Variants in ZNF839 observed in about 807,000 individuals in gnomAD.
ZNF839 encodes the protein zinc finger protein 839, also known as renal carcinoma antigen NY-REN-50.
A neutral mutation model predicts 56.4 loss-of-function variants in ZNF839; 38 were observed. The observed-to-expected ratio is 0.67, with a 90% CI of 0.52 to 0.88. ZNF839 has a LOEUF of 0.88. Ranked by LOEUF, ZNF839 falls within the 40% of genes least tolerant of loss-of-function variation. The probability of loss-of-function intolerance (pLI) is 0.00; values close to 1 mark genes in which losing one functional copy is unlikely to be tolerated. For missense variants in ZNF839, 1,091 were observed against 1,177.6 expected, an observed-to-expected ratio of 0.93 and a Z score of 1.08; for synonymous variants, 486 against 493.5, an observed-to-expected ratio of 0.98 and a Z score of 0.20.
At chr14:102,324,103 C>G (rs2073276407) in intron 1 of ZNF839, among the ~76,000 whole-genome samples, 1 of 152,182 alleles carries the variant, frequency 6.6e-6, no homozygotes, top group Non-Finnish European at 1.5e-5. Flanking sequence ...AAGAAACAGG[C>G]ATGCAGGTTG....
chr14:102,328,354 CAAAA>C (rs1158691824), intron 2 of ZNF839, among the ~76,000 whole-genome samples: 76 of 28,820 alleles, frequency 2.6e-3, no homozygotes, highest in East Asian at 8.7e-3. Context: ...AACTCCATCT[CAAAA>C]AAAAAAAAAA....
rs1365946095 is a variant in ZNF839, at chr14:102,339,171, T to C, written c.1875T>C (p.Ala625=). Residue 625 remains alanine, a synonymous_variant, in exon 7 of 8, where the codon GCT becomes GCC. Transcript: ENST00000442396. ...CCAACGATACCACTGAATCTCTTGC[T>C]GCCAACAGCAGAGGCCGGGAGAAGC... ...ALSNDTTESL[A]ANSRGREKPR... 1.2e-6 allele frequency: 2 copies of C among 1,613,066 alleles called. No individual in the cohort carries two copies. The highest frequency in any genetic ancestry group is 1.7e-6 in the Non-Finnish European group (2 of 1,179,454).
At chr14:102,323,690 G>T (rs915450581) in intron 1 of ZNF839, among the ~76,000 whole-genome samples, 1 of 152,092 alleles carries the variant, frequency 6.6e-6, no homozygotes, top group Non-Finnish European at 1.5e-5. Context: ...TTGAAATTTT[G>T]TTAGATATAT....
Position 102,342,160 on chromosome 14 carries a change from C to A in ZNF839, c.2765C>A (p.Ala922Asp), listed in dbSNP as rs773507931. 2 of 1,608,264 alleles carry A rather than the reference C, an allele frequency of 1.2e-6. No homozygotes were observed. Among genetic ancestry groups the A allele is most frequent in the South Asian group, 2.2e-5 (2 of 90,896 alleles). The change falls in exon 8 of 8, where the codon GCC (alanine) becomes GAC (aspartate). Residue 922 changes from alanine to aspartate, a missense_variant. By Grantham distance (126) the Ala-to-Asp change is moderately radical (BLOSUM62 -2). This residue lies in a region of ZNF839 where 431 missense variants were observed against 468.0 expected (regional missense o/e 0.92). Transcript: ENST00000442396. ...IVTVTDAEGR[A>D]CGWAR ...ACAGTGACTGATGCAGAGGGGCGTGCCTGCGGATGGGCCCGCTAGAAGGAG... is the reference window on the plus strand; with the variant it reads ...ACAGTGACTGATGCAGAGGGGCGTGACTGCGGATGGGCCCGCTAGAAGGAG...
chr14:102,335,027 G>A (rs1444108912), intron 4 of ZNF839: 5 of 155,832 alleles, frequency 3.2e-5, no homozygotes, highest in African/African-American at 1.2e-4. Context: ...CAAAGTGATG[G>A]GATTATAGGT....
intron 1 of ZNF839, among the ~76,000 whole-genome samples, chr14:102,324,803 G>T (rs2073320657): frequency 6.6e-6 from 1 of 151,908 alleles, no homozygotes; most frequent in South Asian, 2.1e-4. Flanking sequence ...ACAAAAATTA[G>T]CCGGGGCGTG....
intron 2 of ZNF839, among the ~76,000 whole-genome samples, chr14:102,329,248 G>T (rs780328728): frequency 6.6e-6 from 1 of 151,990 alleles, no homozygotes; most frequent in Admixed American, 6.6e-5. Flanking sequence ...GATTACAGGC[G>T]TGAGCCACCA....
At chr14:102,328,884 C>G (rs1416737337) in intron 2 of ZNF839, among the ~76,000 whole-genome samples, 2 of 152,056 alleles carry the variant, frequency 1.3e-5, no homozygotes, top group Non-Finnish European at 2.9e-5. Context: ...TGTCAGTGGA[C>G]ACTTGGGTTG....
rs1886148783 is a variant in ZNF839 at position 102,338,796 on chromosome 14, C to T, written c.1660-20C>T. ...GTGCTGTTTGGGTGAAGTTTATTCTCTTGGCCCATTTCTTTTCAGGTTGCT... is the reference window on the plus strand; with the variant it reads ...GTGCTGTTTGGGTGAAGTTTATTCTTTTGGCCCATTTCTTTTCAGGTTGCT... On this transcript the variant is annotated intron_variant, in intron 5 of 7. Transcript: ENST00000442396. 1.2e-6 allele frequency: 2 copies of T among 1,613,624 alleles called. No homozygotes were observed. Among genetic ancestry groups the T allele is most frequent in the Non-Finnish European group, 1.7e-6 (2 of 1,179,738 alleles).
chr14:102,321,620 G>A (rs1449769176), intron 1 of ZNF839, among the ~76,000 whole-genome samples: 5 of 152,138 alleles, frequency 3.3e-5, no homozygotes, highest in African/African-American at 9.7e-5. Context: ...AACCGGATGC[G>A]TACTTTGCCC....
intron 2 of ZNF839, among the ~76,000 whole-genome samples, chr14:102,328,443 AAC>A (rs2073588530): frequency 7.1e-6 from 1 of 140,570 alleles, no homozygotes; most frequent in South Asian, 2.3e-4. Flanking sequence ...GTAGTAAAAA[AAC>A]ACATAGCATG....
At position 102,328,400 on chromosome 14, in the gene ZNF839, ATATATATATAT is replaced by A. The variant is rs1454916093; in HGVS notation, c.1191+1514_1191+1524del. Reference sequence around the variant, plus strand: ...AATATATATATATATATATATATATATATATATATATGTATACACACACACACATATAGTAG... The same window carrying A: ...AATATATATATATATATATATATATAGTATACACACACACACATATAGTAG... On this transcript the variant is annotated intron_variant, in intron 2 of 7. Coordinates refer to ENST00000442396, the MANE Select transcript of ZNF839 (RefSeq NM_018335.6). Among the ~76,000 whole-genome samples the A allele has an allele frequency of 2.8e-4, 31 of 111,588 alleles. No homozygotes were observed. In the South Asian group the frequency reaches 2.9e-3, roughly 10 times the overall value. 73.2% of individuals were successfully genotyped at this position (111,588 alleles called of 152,430 possible). A position where few individuals can be genotyped will look rare whatever the true frequency, so the allele number is the denominator to read the frequency against.
Position 102,319,922 on chromosome 14 carries a change from C to T in ZNF839, c.157C>T (p.Pro53Ser). The change falls in exon 1 of 8, where the codon CCG becomes TCG. Residue 53 changes from proline (P) to serine (S), a missense_variant. This residue lies in a region of ZNF839 where 614 missense variants were observed against 629.2 expected (regional missense o/e 0.98). Coordinates refer to ENST00000442396, the MANE Select transcript of ZNF839 (RefSeq NM_018335.6). This position sits in a 1 kb window ranked among gnomAD's most constrained non-coding sequence, Gnocchi z 4.5. ...QVLEQVTKAQ[P>S]PPPPPPFVLR... ...CCTGGAGCAGGTGACGAAGGCGCAGCCGCCGCCGCCGCCGCCCCCCTTCGT... is the reference window on the plus strand; with the variant it reads ...CCTGGAGCAGGTGACGAAGGCGCAGTCGCCGCCGCCGCCGCCCCCCTTCGT... 8.4e-7 allele frequency: 1 copy of T among 1,190,250 alleles called. No homozygotes were observed. The highest frequency in any genetic ancestry group is 1.0e-6 in the Non-Finnish European group (1 of 954,468). The allele number at this position is 1,190,250 out of a possible 1,614,324, so 73.7% of individuals were successfully genotyped here. A position where few individuals can be genotyped will look rare whatever the true frequency, so the allele number is the denominator to read the frequency against.
chr14:102,341,264 G>A, intron 7 of ZNF839, 59 bp from the exon 8 acceptor site: 1 of 1,466,948 alleles, frequency 6.8e-7, no homozygotes, highest in Non-Finnish European at 9.0e-7. Context: ...GGTGGTGAGT[G>A]CAGTGAGTGG....
chr14:102,322,671 C>T (rs1156484413), intron 1 of ZNF839, among the ~76,000 whole-genome samples: 1 of 152,246 alleles, frequency 6.6e-6, no homozygotes. Context: ...CTCAAATGAT[C>T]CTCACACCTC....
chr14:102,326,541 A>G lies in ZNF839; in HGVS notation c.845A>G (p.Asp282Gly). Residue 282 changes from aspartate to glycine, a missense_variant, in exon 2 of 8, where the codon GAT (aspartate) becomes GGT (glycine). Around this residue, in one of 3 missense-constraint regions of ZNF839, gnomAD observed 614 missense variants for 629.2 expected, o/e 0.98. Coordinates refer to ENST00000442396, the MANE Select transcript of ZNF839 (RefSeq NM_018335.6). The surrounding 1 kb of genome is among the most constrained non-coding windows in gnomAD (Gnocchi z 4.3). Reference protein sequence around the residue: ...LADGHLSDSDDYSELCVEEDE... With the variant: ...LADGHLSDSDGYSELCVEEDE... ...GATGGTCATCTGTCAGATTCTGATG[A>G]TTACTCAGAACTCTGTGTGGAAGAA... 1.2e-6 allele frequency: 2 copies of G among 1,614,030 alleles called. No individual in the cohort carries two copies. The highest frequency in any genetic ancestry group is 1.7e-6 in the Non-Finnish European group (2 of 1,179,896).
rs1406010376 is a variant in ZNF839, at chr14:102,338,921, G to T, written c.1765G>T (p.Glu589Ter). The change falls in exon 6 of 8, where the codon GAG becomes TAG. Residue 589 changes from glutamate to a stop codon, truncating the protein, a stop_gained. Transcript: ENST00000442396. LOFTEE classifies it high-confidence loss of function. The part of the protein sequence containing the change: ...LSRDMDGEQL[E>*]GASSEKRERE... ...CCGAGACATGGATGGGGAGCAGCTA[G>T]AGGGAGCTAGCAGCGAGAAGAGGGA... The T allele has an allele frequency of 6.2e-7, 1 of 1,614,018 alleles. No homozygotes were observed. Among genetic ancestry groups the T allele is most frequent in the Admixed American group, 1.7e-5 (1 of 60,012 alleles).
intron 2 of ZNF839, among the ~76,000 whole-genome samples, chr14:102,328,375 A>ATTAT (rs1555442800): frequency 6.1e-5 from 1 of 16,326 alleles, no homozygotes; most frequent in Non-Finnish European, 1.4e-4. Context: ...AAAAAAAAAA[A>ATTAT]ATATATATAT....
Position 102,320,008 on chromosome 14 carries a change from C to A in ZNF839, c.243C>A (p.Gly81=), listed in dbSNP as rs1349535294. The change falls in exon 1 of 8, where the codon GGC becomes GGA. Residue 81 remains glycine, a synonymous_variant. Coordinates refer to ENST00000442396, the MANE Select transcript of ZNF839 (RefSeq NM_018335.6). ...DAAQQAALQR[G]RGTEPPRLPR... The stretch of plus-strand genomic sequence containing the variant: ...CCCAACAGGCCGCCCTGCAGCGGGG[C>A]CGGGGCACCGAGCCCCCGCGCCTGC... 4.6e-5 allele frequency: 54 copies of A among 1,180,050 alleles called. No homozygotes were observed. Among genetic ancestry groups the A allele is most frequent in the Middle Eastern group, 6.8e-4 (2 of 2,960 alleles). 73.1% of individuals were successfully genotyped at this position (1,180,050 alleles called of 1,614,324 possible). A position where few individuals can be genotyped will look rare whatever the true frequency, so the allele number is the denominator to read the frequency against.
Sources: allele counts gnomAD v4.1 joint callset (sites outside exome capture counted in the v4.1 genomes callset), GRCh38; gene constraint gnomAD v4.1.1; regional missense constraint gnomAD v4.1.1; non-coding constraint Gnocchi (gnomAD v3.1); transcripts MANE v1.5; gene names NCBI Gene and HGNC (gene_info 2026-07-23, HGNC 2026-07-21).